The following CNNM1 variants were observed in gnomAD, a reference collection of about 807,000 sequenced individuals.
The protein encoded by CNNM1 is metal transporter CNNM1.
CNNM1 carries 44 observed loss-of-function variants against 78.8 expected under a neutral mutation model. The observed-to-expected ratio is 0.56, with a 90% confidence interval of 0.44 to 0.72. The LOEUF (loss-of-function observed/expected upper bound fraction) is 0.72, where lower values mean the gene tolerates loss of function less well. Among genes scored for constraint, CNNM1 ranks in the 30% least tolerant of loss-of-function variants. The pLI is 0.00. For missense variants in CNNM1, 1,101 were observed against 1,292.2 expected (o/e 0.85, Z 2.27); for synonymous variants, 584 against 581.5 (o/e 1.00, Z -0.06).
At chr10:99,379,335 G>T (rs965453664) in intron 7 of CNNM1, among the ~76,000 whole-genome samples, 14 of 152,194 alleles carry the variant, frequency 9.2e-5, no homozygotes, top group African/African-American at 3.1e-4. Context: ...TAATAATAAG[G>T]GCTGTGAAGG....
In CNNM1 at chr10:99,346,819, G is replaced by A. The variant is rs562632271; in HGVS notation, c.1574-10693G>A. 8.6e-5 allele frequency among the ~76,000 whole-genome samples: 13 copies of A among 151,760 alleles called. No homozygotes were observed. The South Asian group carries it at 1.3e-3, about 15-fold the overall frequency. ...AAATGGGCTTTCACTATGTTGTCTAGGCTGATCTTGGAACTCCTGGGCTCA... is the reference window on the plus strand; with the variant it reads ...AAATGGGCTTTCACTATGTTGTCTAAGCTGATCTTGGAACTCCTGGGCTCA... On this transcript the variant is annotated intron_variant, in intron 1 of 10. Transcript: ENST00000356713.
intron 7 of CNNM1, among the ~76,000 whole-genome samples, chr10:99,381,611 A>C (rs559291504): frequency 1.3e-5 from 2 of 149,420 alleles, no homozygotes; most frequent in East Asian, 4.0e-4. Flanking sequence ...TCATGGTGGC[A>C]GGCACCTGTA....
intron 1 of CNNM1, among the ~76,000 whole-genome samples, chr10:99,341,009 G>A (rs888823699): frequency 2.2e-4 from 33 of 151,942 alleles, no homozygotes; most frequent in African/African-American, 6.5e-4. Context: ...GCTTGCAGTC[G>A]AGTAGGCGAC....
chr10:99,375,313 G>A (rs1463335610), intron 6 of CNNM1, among the ~76,000 whole-genome samples: 1 of 152,208 alleles, frequency 6.6e-6, no homozygotes, highest in African/African-American at 2.4e-5. Context: ...TGGGGAGACT[G>A]TGGTCCAGGT....
intron 1 of CNNM1, among the ~76,000 whole-genome samples, chr10:99,337,544 GCCT>G (rs1469736182): frequency 6.6e-6 from 1 of 152,224 alleles, no homozygotes; most frequent in Admixed American, 6.5e-5. Context: ...CAGCTCAGGG[GCCT>G]CCTCCTCTGG....
At chr10:99,371,832 CT>C (rs796648437) in intron 6 of CNNM1, among the ~76,000 whole-genome samples, 104 of 152,214 alleles carry the variant, frequency 6.8e-4, no homozygotes, top group Middle Eastern at 3.4e-3. Flanking sequence ...AGTTGGTACT[CT>C]TACAGGTCTA....
chr10:99,359,185 G>A lies in CNNM1; in HGVS notation c.1717+1530G>A, dbSNP rs534348257. 3.7e-4 allele frequency among the ~76,000 whole-genome samples: 55 copies of A among 147,960 alleles called. 1 individual carries two copies. In the South Asian group the frequency reaches 0.012, roughly 32 times the overall value. On this transcript the variant is annotated intron_variant, in intron 2 of 10. Coordinates refer to ENST00000356713, the MANE Select transcript of CNNM1 (RefSeq NM_020348.3). ...CACACTATTGAAATCTAAGGAGAAG[G>A]GGGCGATGAGAGGAATGATTTCCTA...
intron 1 of CNNM1, among the ~76,000 whole-genome samples, chr10:99,339,037 C>T (rs1056990466): frequency 2.0e-5 from 3 of 152,206 alleles, no homozygotes; most frequent in Non-Finnish European, 4.4e-5. Context: ...AGGAATAAAG[C>T]TTTGTTCTGA....
At chr10:99,343,910 A>G (rs932659237) in intron 1 of CNNM1, among the ~76,000 whole-genome samples, 5 of 150,410 alleles carry the variant, frequency 3.3e-5, no homozygotes, top group African/African-American at 1.2e-4. Context: ...TTCGGTAGAG[A>G]TGGGGTTTCA....
chr10:99,372,768 C>G (rs567598243), intron 6 of CNNM1, among the ~76,000 whole-genome samples: 33 of 152,262 alleles, frequency 2.2e-4, no homozygotes, highest in Non-Finnish European at 4.4e-4. Flanking sequence ...TAAGGAATGT[C>G]AGACTCCAGG....
chr10:99,386,096 T>C (rs1177097532), intron 7 of CNNM1, among the ~76,000 whole-genome samples: 1 of 152,344 alleles, frequency 6.6e-6, no homozygotes, highest in East Asian at 1.9e-4. Flanking sequence ...GGATAAATGC[T>C]AAGTGGAGAC....
At chr10:99,388,470 A>G (rs1278094472) in intron 9 of CNNM1, among the ~76,000 whole-genome samples, 169 bp downstream of exon 9, 1 of 152,190 alleles carries the variant, frequency 6.6e-6, no homozygotes, top group Non-Finnish European at 1.5e-5. Flanking sequence ...AGCATCTACC[A>G]TGCATCAGGC....
chr10:99,381,222 C>A (rs1192365904), intron 7 of CNNM1, among the ~76,000 whole-genome samples: 2 of 151,216 alleles, frequency 1.3e-5, no homozygotes, highest in African/African-American at 2.4e-5. Flanking sequence ...ACCAGCCTGG[C>A]CAACGTGGTG....
chr10:99,329,785 G>A lies in CNNM1; in HGVS notation c.398G>A (p.Cys133Tyr). ...ACTCGCCCCCCGGGACCGCAGCGCT[G>A]CAGGGAGCAGAGCGACTGGGCATCG... ...VPTRPPGPQR[C>Y]REQSDWASDV... Residue 133 changes from cysteine (C) to tyrosine (Y), a missense_variant, in exon 1 of 11, where the codon TGC (cysteine) becomes TAC (tyrosine). Coordinates refer to ENST00000356713, the MANE Select transcript of CNNM1 (RefSeq NM_020348.3). 1 of 1,488,032 alleles carries A rather than the reference G, an allele frequency of 6.7e-7. No homozygotes were observed. The highest frequency in any genetic ancestry group is 8.9e-7 in the Non-Finnish European group (1 of 1,126,656). 92.2% of individuals were successfully genotyped at this position (1,488,032 alleles called of 1,614,324 possible).
At chr10:99,372,799 C>G (rs952698091) in intron 6 of CNNM1, among the ~76,000 whole-genome samples, 1 of 152,084 alleles carries the variant, frequency 6.6e-6, no homozygotes, top group African/African-American at 2.4e-5. Flanking sequence ...ATTGATCTTG[C>G]GCAATACTCA....
At chr10:99,384,185 G>A (rs890535774) in intron 7 of CNNM1, among the ~76,000 whole-genome samples, 15 of 152,196 alleles carry the variant, frequency 9.9e-5, no homozygotes, top group Non-Finnish European at 1.3e-4. Context: ...GTTGTCATGA[G>A]TTGTTGAACA....
At chr10:99,361,129 T>C (rs528302487) in intron 3 of CNNM1, among the ~76,000 whole-genome samples, 154 bp downstream of exon 3, 1 of 152,324 alleles carries the variant, frequency 6.6e-6, no homozygotes, top group East Asian at 1.9e-4. Context: ...GACAGGGTAA[T>C]GGATGCCACC....
chr10:99,361,042 G>T (rs528102645), intron 3 of CNNM1, 67 bp downstream of exon 3: 113 of 1,459,468 alleles, frequency 7.7e-5, no homozygotes, highest in Admixed American at 1.8e-4. Context: ...GGCACCAATC[G>T]TTGTTAATAC....
rs1054243219 is a variant in CNNM1 at position 99,330,209 on chromosome 10, C to G, written c.822C>G (p.Ala274=). 4.0e-6 allele frequency: 6 copies of G among 1,512,904 alleles called. No homozygotes were observed. In the African/African-American group the frequency reaches 5.5e-5, roughly 14 times the overall value. The allele number at this position is 1,512,904 out of a possible 1,614,324, so 93.7% of individuals were successfully genotyped here. A position where few individuals can be genotyped will look rare whatever the true frequency, so the allele number is the denominator to read the frequency against. The change falls in exon 1 of 11, where the codon GCC becomes GCG. Residue 274 remains alanine, a synonymous_variant. Transcript: ENST00000356713. ...AGGAGCAGGCGCGCCGCGTGCAGGC[C>G]GTTCGCGGCAGGGGGACCCATCTGC... ...AEQEQARRVQ[A]VRGRGTHLLC... is the part of the protein sequence containing the mutation.
Sources: allele counts gnomAD v4.1 joint callset (sites outside exome capture counted in the v4.1 genomes callset), GRCh38; gene constraint gnomAD v4.1.1; transcripts MANE v1.5; gene names NCBI Gene and HGNC (gene_info 2026-07-23, HGNC 2026-07-21).